SLCO1C1: variants seen among roughly 807,000 people sequenced by gnomAD.
SLCO1C1 encodes the protein OAT-RP-5.
SLCO1C1 carries 70 observed loss-of-function variants against 76.4 expected under a neutral mutation model. The ratio of observed to expected loss-of-function variants is 0.92; its 90% CI spans 0.76 to 1.12. The LOEUF is 1.12. Ranked by LOEUF, SLCO1C1 falls within the 50% of genes most tolerant of loss-of-function variation. The pLI is 0.00. For synonymous variants in SLCO1C1, 306 were observed against 286.1 expected, an observed-to-expected ratio of 1.07 and a Z score of -0.70; for missense variants, 912 against 823.8, an observed-to-expected ratio of 1.11 and a Z score of -1.31.
intron 9 of SLCO1C1, among the ~76,000 whole-genome samples, chr12:20,724,331 A>G (rs1947824600): frequency 6.7e-6 from 1 of 148,768 alleles, no homozygotes; most frequent in African/African-American, 2.5e-5. Context: ...TTGAGATATA[A>G]CTTATCAACA....
intron 5 of SLCO1C1, among the ~76,000 whole-genome samples, chr12:20,713,129 G>T (rs1947201815): frequency 6.7e-6 from 1 of 149,638 alleles, no homozygotes; most frequent in Admixed American, 6.7e-5. Context: ...GCCCAGGCTG[G>T]AGTGCAGTGG....
intron 4 of SLCO1C1, 28 bp from the exon 5 acceptor site, chr12:20,711,358 T>C (rs1343560469): frequency 6.2e-7 from 1 of 1,606,872 alleles, no homozygotes; most frequent in Admixed American, 1.7e-5. Context: ...AATGAGTCTA[T>C]CATGAAGAAA....
intron 2 of SLCO1C1, 197 bp downstream of exon 2, chr12:20,699,902 G>A (rs1374750697): frequency 6.6e-6 from 3 of 454,856 alleles, no homozygotes; most frequent in African/African-American, 2.2e-5. Flanking sequence ...TTACTTTCCT[G>A]GGCTCATTTA....
intron 10 of SLCO1C1, among the ~76,000 whole-genome samples, chr12:20,734,523 A>G (rs1948455762): frequency 6.6e-6 from 1 of 152,204 alleles, no homozygotes; most frequent in Non-Finnish European, 1.5e-5. Flanking sequence ...CTTAACTTTC[A>G]TGATCTCATT....
At chr12:20,737,065 C>T (rs1948579304) in intron 10 of SLCO1C1, 42 bp from the exon 11 acceptor site, 1 of 1,410,618 alleles carries the variant, frequency 7.1e-7, no homozygotes, top group South Asian at 1.7e-5. Flanking sequence ...CGGGTGCTAC[C>T]TGCTAAGAGG....
chr12:20,731,809 C>G (rs566927937), intron 9 of SLCO1C1, among the ~76,000 whole-genome samples: 21 of 152,300 alleles, frequency 1.4e-4, no homozygotes, highest in African/African-American at 5.1e-4. Context: ...CCATTCCCCA[C>G]CCCACCTCCA....
rs1194623566 is a variant in SLCO1C1, at chr12:20,737,152, C to G, written c.1428C>G (p.Cys476Trp). 2 of 1,557,442 alleles carry G rather than the reference C, an allele frequency of 1.3e-6. No homozygotes were observed. The highest frequency in any genetic ancestry group is 2.8e-5 in the African/African-American group (2 of 70,920). The change falls in exon 11 of 15, where the codon TGC (cysteine) becomes TGG (tryptophan). Residue 476 changes from cysteine (C) to tryptophan (W), a missense_variant. Cys to Trp is a radical substitution (Grantham distance 215). Coordinates refer to ENST00000266509, the MANE Select transcript of SLCO1C1 (RefSeq NM_017435.5). ...ATGAACGAGCTCTCTTTTCAGATTG[C>G]AACTCAAGATGCAAATGTTCAGAGA... ...SYHERALFSD[C>W]NSRCKCSETK...
intron 12 of SLCO1C1, among the ~76,000 whole-genome samples, chr12:20,741,090 G>A (rs1016496686): frequency 6.6e-6 from 1 of 151,932 alleles, no homozygotes; most frequent in Admixed American, 6.6e-5. Flanking sequence ...GGAGAGAGAA[G>A]TACAGAGGGA....
chr12:20,751,480 A>G (rs1949304457), intron 14 of SLCO1C1, among the ~76,000 whole-genome samples: 1 of 152,178 alleles, frequency 6.6e-6, no homozygotes, highest in South Asian at 2.1e-4. Flanking sequence ...TTTTCTGGAG[A>G]AATAAACTTG....
At chr12:20,734,942 A>T (rs1487594518) in intron 10 of SLCO1C1, among the ~76,000 whole-genome samples, 1 of 152,178 alleles carries the variant, frequency 6.6e-6, no homozygotes, top group East Asian at 1.9e-4. Flanking sequence ...AAAAGCTCTC[A>T]TCTTTCAGCA....
Position 20,740,276 on chromosome 12 carries a change from T to C in SLCO1C1, c.1641T>C (p.Cys547=). The change falls in exon 12 of 15, where the codon TGT becomes TGC. Residue 547 remains cysteine (C), a synonymous_variant. Transcript: ENST00000266509. ...IVGRCQKDNG[C]PQMFLYFLVI... ...GAAGATGTCAGAAAGACAATGGATGTCCCCAAATGTTTCTGTATTTCCTTG... is the reference window on the plus strand; with the variant it reads ...GAAGATGTCAGAAAGACAATGGATGCCCCCAAATGTTTCTGTATTTCCTTG... The C allele has an allele frequency of 1.9e-6, 3 of 1,613,886 alleles. No individual in the cohort carries two copies. Among genetic ancestry groups the C allele is most frequent in the Non-Finnish European group, 2.5e-6 (3 of 1,179,902 alleles).
At chr12:20,709,143 T>C (rs184579415) in intron 4 of SLCO1C1, among the ~76,000 whole-genome samples, 7 of 152,286 alleles carry the variant, frequency 4.6e-5, no homozygotes, top group African/African-American at 1.7e-4. Context: ...AGGATTTGAA[T>C]GCGGGTCAGA....
At chr12:20,742,733 G>T (rs1948879135) in intron 12 of SLCO1C1, among the ~76,000 whole-genome samples, 1 of 150,004 alleles carries the variant, frequency 6.7e-6, no homozygotes, top group African/African-American at 2.5e-5. Context: ...GTAGAGACGG[G>T]GTTTCACCGT....
intron 12 of SLCO1C1, among the ~76,000 whole-genome samples, chr12:20,740,787 T>TTATTTATA (rs1948772313): frequency 1.3e-5 from 1 of 75,058 alleles, no homozygotes; most frequent in African/African-American, 5.4e-5. Flanking sequence ...TTTATTTTAT[T>TTATTTATA]TATATATATA....
At chr12:20,713,255 A>T (rs1592247278) in intron 5 of SLCO1C1, among the ~76,000 whole-genome samples, 1 of 151,368 alleles carries the variant, frequency 6.6e-6, no homozygotes, top group East Asian at 2.0e-4. Flanking sequence ...AATTTTTTGT[A>T]TTTTTAGTAG....
At position 20,752,687 on chromosome 12, in the gene SLCO1C1, C is replaced by A. The variant is rs566434347; in HGVS notation, c.*159C>A. On this transcript the variant is annotated 3_prime_UTR_variant, in exon 15 of 15. Coordinates refer to ENST00000266509, the MANE Select transcript of SLCO1C1 (RefSeq NM_017435.5). ...ATTAGGTAATATAACTGATAATATA[C>A]TGAAACATATAATGGAAGATGCAGA... 1.0e-5 allele frequency: 5 copies of A among 480,694 alleles called. No individual in the cohort carries two copies. Among genetic ancestry groups the A allele is most frequent in the East Asian group, 9.6e-5 (3 of 31,122 alleles). The allele number at this position is 480,694 out of a possible 1,614,324, so 29.8% of individuals were successfully genotyped here.
Position 20,699,692 on chromosome 12 carries a change from G to A in SLCO1C1, c.116G>A (p.Cys39Tyr). 6.2e-7 allele frequency: 1 copy of A among 1,610,540 alleles called. No homozygotes were observed. Among genetic ancestry groups the A allele is most frequent in the Non-Finnish European group, 8.5e-7 (1 of 1,178,426 alleles). The change falls in exon 2 of 15, where the codon TGT becomes TAT. Residue 39 changes from cysteine (C) to tyrosine (Y), a missense_variant. Physicochemically the swap from Cys to Tyr is radical, Grantham distance 194. Transcript: ENST00000266509. The stretch of plus-strand genomic sequence containing the variant: ...TCCTCAGAAGAAAAGCAACCATGCT[G>A]TGGTGAACTAAAGGTAGAGCAACCA... ...YPSSEEKQPCCGELKVFLCAL... is the reference protein window; with the variant it reads ...YPSSEEKQPCYGELKVFLCAL...
chr12:20,706,036 G>C lies in SLCO1C1; in HGVS notation c.359G>C (p.Gly120Ala), dbSNP rs1251493922. 8 of 1,613,116 alleles carry C rather than the reference G, an allele frequency of 5.0e-6. No individual in the cohort carries two copies. The African/African-American group carries it at 8.0e-5, about 16-fold the overall frequency. Residue 120 changes from glycine to alanine, a missense_variant, in exon 4 of 15, where the codon GGA (glycine) becomes GCA (alanine). Gly to Ala is a moderately conservative substitution (Grantham distance 60). Coordinates refer to ENST00000266509, the MANE Select transcript of SLCO1C1 (RefSeq NM_017435.5). Reference protein sequence around the residue: ...KIIGAGCVIMGVGTLLIAMPQ... With the variant: ...KIIGAGCVIMAVGTLLIAMPQ... ...ATTGGAGCAGGGTGTGTAATCATGG[G>C]AGTTGGAACACTGCTCATTGCAATG...
intron 13 of SLCO1C1, among the ~76,000 whole-genome samples, chr12:20,744,352 AAAT>A (rs1378289886): frequency 1.1e-4 from 16 of 152,120 alleles, no homozygotes; most frequent in Non-Finnish European, 1.6e-4. Flanking sequence ...GATTTGACAA[AAAT>A]AATATTTGAA....
Sources: gnomAD v4.1 joint callset for allele counts (sites outside exome capture counted in the v4.1 genomes callset) on GRCh38, gnomAD v4.1.1 for gene constraint, MANE v1.5 for transcripts, NCBI Gene and HGNC (gene_info 2026-07-23, HGNC 2026-07-21) for gene names.